Variants in DNER observed in about 807,000 individuals in gnomAD.
The protein encoded by DNER is delta/notch like EGF repeat containing, also known as delta and Notch-like epidermal growth factor-related receptor.
A neutral mutation model predicts 78.2 loss-of-function variants in DNER; 33 were observed. That is an observed-to-expected ratio of 0.42 (90% CI 0.32 to 0.56). The LOEUF (loss-of-function observed/expected upper bound fraction) is 0.56, where lower values mean the gene tolerates loss of function less well. DNER is among the 20% of genes least tolerant of loss of function. The probability of loss-of-function intolerance (pLI) is 0.11; values close to 1 mark genes in which losing one functional copy is unlikely to be tolerated. For missense variants in DNER, 918 were observed against 975.3 expected (o/e 0.94, Z 0.78); for synonymous variants, 417 against 384.8 (o/e 1.08, Z -0.98).
intron 11 of DNER, among the ~76,000 whole-genome samples, chr2:229,375,013 C>T (rs1030504572): frequency 6.6e-6 from 1 of 152,144 alleles, no homozygotes; most frequent in Non-Finnish European, 1.5e-5. Context: ...TGGAATGTTC[C>T]TCCTCATGAG....
intron 1 of DNER, among the ~76,000 whole-genome samples, chr2:229,697,640 A>T (rs868559023): frequency 2.6e-5 from 4 of 152,196 alleles, no homozygotes; most frequent in African/African-American, 2.4e-5. Context: ...AACAAACTTC[A>T]TTGATGTTCC....
At chr2:229,693,419 C>T (rs532412616) in intron 1 of DNER, among the ~76,000 whole-genome samples, 12 of 151,932 alleles carry the variant, frequency 7.9e-5, no homozygotes, top group East Asian at 3.9e-4. Context: ...GAGAGTGGGA[C>T]GCTGCTGTAA....
intron 4 of DNER, among the ~76,000 whole-genome samples, chr2:229,581,919 T>C (rs1290711217): frequency 1.3e-5 from 2 of 152,176 alleles, no homozygotes; most frequent in Non-Finnish European, 1.5e-5. Flanking sequence ...ATTTAAGATT[T>C]GTGGTCCTTA....
chr2:229,436,664 A>T (rs1052350887), intron 8 of DNER, among the ~76,000 whole-genome samples: 6 of 152,226 alleles, frequency 3.9e-5, no homozygotes, highest in Non-Finnish European at 7.3e-5. Context: ...AAGAAAAAAA[A>T]ATTATAACAA....
chr2:229,500,023 T>A (rs1695584854), intron 6 of DNER, among the ~76,000 whole-genome samples: 1 of 150,284 alleles, frequency 6.7e-6, no homozygotes, highest in Admixed American at 6.7e-5. Context: ...AACCTCCACC[T>A]CCCAGGTTCA....
chr2:229,442,172 G>T (rs1694249034), intron 8 of DNER, among the ~76,000 whole-genome samples: 1 of 152,116 alleles, frequency 6.6e-6, no homozygotes, highest in African/African-American at 2.4e-5. Context: ...CAACTCTCAA[G>T]AATAGTGTGA....
chr2:229,498,283 C>T (rs6723969), intron 6 of DNER, among the ~76,000 whole-genome samples: 18,955 of 152,010 alleles, frequency 0.12, 1,320 homozygotes, highest in South Asian at 0.2. Flanking sequence ...TAGCTCAACA[C>T]GATAAAGGCC....
chr2:229,615,257 C>CA (rs1698130519), intron 1 of DNER, among the ~76,000 whole-genome samples: 1 of 151,176 alleles, frequency 6.6e-6, no homozygotes, highest in Admixed American at 6.6e-5. Context: ...ACTAAAAATA[C>CA]AAAATTAGCC....
intron 9 of DNER, among the ~76,000 whole-genome samples, chr2:229,409,338 A>C (rs1693456124): frequency 6.6e-6 from 1 of 151,732 alleles, no homozygotes; most frequent in African/African-American, 2.4e-5. Context: ...AGTGGGAAAT[A>C]CGGCCACCAC....
At chr2:229,379,046 G>T (rs1262532961) in intron 11 of DNER, among the ~76,000 whole-genome samples, 2 of 152,146 alleles carry the variant, frequency 1.3e-5, no homozygotes, top group Non-Finnish European at 2.9e-5. Context: ...AAATATAAAT[G>T]AGATCATCAA....
At chr2:229,526,980 C>T (rs1283091560) in intron 5 of DNER, among the ~76,000 whole-genome samples, 1 of 152,112 alleles carries the variant, frequency 6.6e-6, no homozygotes, top group African/African-American at 2.4e-5. Flanking sequence ...CCATCTACTA[C>T]GGTCCTCGGT....
intron 1 of DNER, among the ~76,000 whole-genome samples, chr2:229,638,483 C>T (rs751802983): frequency 1.1e-4 from 17 of 152,222 alleles, no homozygotes; most frequent in East Asian, 1.9e-4. Flanking sequence ...ACAAATGGTG[C>T]GGGACAACTG....
At chr2:229,571,851 G>C (rs1697223384) in intron 4 of DNER, among the ~76,000 whole-genome samples, 1 of 151,708 alleles carries the variant, frequency 6.6e-6, no homozygotes, top group South Asian at 2.1e-4. Flanking sequence ...ACACCCATAG[G>C]CCTGCTTTTG....
chr2:229,611,144 C>T (rs879574397), intron 1 of DNER, among the ~76,000 whole-genome samples: 1 of 152,198 alleles, frequency 6.6e-6, no homozygotes, highest in Non-Finnish European at 1.5e-5. Context: ...CCCACAGGCA[C>T]ATAGTCCCAG....
intron 8 of DNER, among the ~76,000 whole-genome samples, chr2:229,424,704 A>T (rs1693837418): frequency 6.6e-6 from 1 of 152,128 alleles, no homozygotes. Flanking sequence ...ATCTCCAAAG[A>T]CATTGGAGGT....
intron 11 of DNER, among the ~76,000 whole-genome samples, chr2:229,380,196 C>T (rs60739443): frequency 0.038 from 4,507 of 117,404 alleles, 98 homozygotes; most frequent in African/African-American, 0.078. Context: ...TTCCTAATAC[C>T]GGCCACCCTC....
rs141846553 is a variant in DNER at position 229,477,139 on chromosome 2, C to T, written c.1261+1G>A. The T allele has an allele frequency of 5.6e-6, 9 of 1,611,436 alleles. No individual in the cohort carries two copies. In the African/African-American group the frequency reaches 1.2e-4, roughly 22 times the overall value. On this transcript the variant is annotated splice_donor_variant, in intron 7 of 12. Transcript: ENST00000341772. LOFTEE classifies it high-confidence loss of function. ...TTTCTGGAGTAATAAATACTAATTA[C>T]CTTCTGGACACTGGCAGGTGAATCC... is the stretch of plus-strand genomic sequence containing the variant.
intron 1 of DNER, among the ~76,000 whole-genome samples, chr2:229,642,130 T>C (rs953326779): frequency 6.6e-6 from 1 of 152,262 alleles, no homozygotes; most frequent in Non-Finnish European, 1.5e-5. Context: ...ATTGAAATAC[T>C]GCTAAATTAT....
At chr2:229,545,865 G>A (rs1696617928) in intron 5 of DNER, among the ~76,000 whole-genome samples, 1 of 152,162 alleles carries the variant, frequency 6.6e-6, no homozygotes, top group South Asian at 2.1e-4. Context: ...ACTTTTCTCT[G>A]ACGTCTGTAA....
Sources: gnomAD v4.1 joint callset for allele counts (sites outside exome capture counted in the v4.1 genomes callset) on GRCh38, gnomAD v4.1.1 for gene constraint, MANE v1.5 for transcripts, NCBI Gene and HGNC (gene_info 2026-07-23, HGNC 2026-07-21) for gene names.